Variants in DIS3L2 observed in about 807,000 individuals in gnomAD.
DIS3L2 encodes DIS3 like 3'-5' exoribonuclease 2.
DIS3L2 carries 34 observed loss-of-function variants against 97.5 expected under a neutral mutation model. The ratio of observed to expected loss-of-function variants is 0.35; its 90% CI spans 0.27 to 0.46. DIS3L2 has a LOEUF of 0.46. Among genes scored for constraint, DIS3L2 ranks in the 20% least tolerant of loss-of-function variants. The probability of loss-of-function intolerance (pLI) is 1.00; values close to 1 mark genes in which losing one functional copy is unlikely to be tolerated. For synonymous variants in DIS3L2, 435 were observed against 445.2 expected (o/e 0.98, Z 0.29); for missense variants, 1,038 against 1,146.0 (o/e 0.91, Z 1.36).
chr2:232,314,495 A>G (rs182972318), intron 14 of DIS3L2, among the ~76,000 whole-genome samples: 1 of 152,224 alleles, frequency 6.6e-6, no homozygotes, highest in Admixed American at 6.5e-5. Flanking sequence ...GCCCCTCACT[A>G]TTCTCACACT....
At chr2:231,969,378 T>A (rs959227515) in intron 1 of DIS3L2, among the ~76,000 whole-genome samples, 2 of 150,570 alleles carry the variant, frequency 1.3e-5, no homozygotes, top group African/African-American at 4.9e-5. Context: ...TGGCGCAATC[T>A]TGGCTCACTG....
intron 6 of DIS3L2, among the ~76,000 whole-genome samples, chr2:232,101,399 AT>A (rs10712116): frequency 0.84 from 127,408 of 151,998 alleles, 53,534 homozygotes; most frequent in East Asian, 0.96. Context: ...ACCTAGATGT[AT>A]TTTTTGTATA....
intron 9 of DIS3L2, among the ~76,000 whole-genome samples, chr2:232,172,272 TC>T (rs1222154871): frequency 1.3e-5 from 2 of 152,140 alleles, no homozygotes; most frequent in African/African-American, 4.8e-5. Flanking sequence ...ACCCCAAAAA[TC>T]AATTCCATTA....
intron 6 of DIS3L2, among the ~76,000 whole-genome samples, chr2:232,105,055 T>C (rs11692088): frequency 0.011 from 1,720 of 152,298 alleles, 17 homozygotes; most frequent in Non-Finnish European, 0.016. Flanking sequence ...TGAGATCAAG[T>C]GGTCCGCCTG....
chr2:232,336,925 G>C lies in DIS3L2; in HGVS notation c.*295G>C, dbSNP rs534180863. ...TACTGCCCTCCTCTGCCCAGGAAAT[G>C]GGGGGGTTTCAGCAACTCAGTGTCA... On this transcript the variant is annotated 3_prime_UTR_variant, in exon 21 of 21. Coordinates refer to ENST00000325385, the MANE Select transcript of DIS3L2 (RefSeq NM_152383.5). 80 of 1,226,054 alleles carry C rather than the reference G, an allele frequency of 6.5e-5. No individual in the cohort carries two copies. In the African/African-American group the frequency reaches 1.2e-3, roughly 19 times the overall value. 75.9% of individuals were successfully genotyped at this position (1,226,054 alleles called of 1,614,324 possible).
intron 1 of DIS3L2, among the ~76,000 whole-genome samples, chr2:232,004,579 CT>C (rs938966664): frequency 6.2e-4 from 89 of 143,250 alleles, no homozygotes; most frequent in Admixed American, 1.3e-3. Context: ...TTTTAAGTTT[CT>C]TTTTTTTTTT....
rs1216991352 is a variant in DIS3L2 at position 232,325,393 on chromosome 2, G to A, written c.1740-4420G>A. ...TGTCTCTACCAGTGTCACCCTTGCT[G>A]TGGGGAGTGTGTACCGTGTGCGGGG... On this transcript the variant is annotated intron_variant, in intron 14 of 20. Transcript: ENST00000325385. This position sits in a 1 kb window ranked among gnomAD's most constrained non-coding sequence, Gnocchi z 4.6. Among the ~76,000 whole-genome samples the A allele has an allele frequency of 6.6e-6, 1 of 152,222 alleles. No homozygotes were observed. Among genetic ancestry groups the A allele is most frequent in the Admixed American group, 6.5e-5 (1 of 15,286 alleles).
chr2:232,137,902 T>C lies in DIS3L2; in HGVS notation c.950+1183T>C, dbSNP rs1337532215. Among the ~76,000 whole-genome samples the C allele has an allele frequency of 6.6e-5, 10 of 152,182 alleles. 1 individual carries two copies. The highest frequency in any genetic ancestry group is 2.4e-4 in the African/African-American group (10 of 41,454). ...AACCCCTTGAGCCCTAAATAGTCCT[T>C]CTTACAAGCTTGCCCGTTTCTCACC... On this transcript the variant is annotated intron_variant, in intron 8 of 20. Transcript: ENST00000325385.
At chr2:231,990,972 CTT>C (rs779186763) in intron 1 of DIS3L2, among the ~76,000 whole-genome samples, 3 of 145,654 alleles carry the variant, frequency 2.1e-5, no homozygotes, top group Non-Finnish European at 3.0e-5. Context: ...TAAGAGTTTT[CTT>C]TTTTTTTTTT....
intron 9 of DIS3L2, among the ~76,000 whole-genome samples, chr2:232,173,459 T>A (rs1368008633): frequency 2.0e-5 from 3 of 152,152 alleles, no homozygotes; most frequent in Non-Finnish European, 1.5e-5. Context: ...CTCCAACTCC[T>A]GACCTCAAGT....
chr2:232,008,149 A>G (rs1466707898), intron 1 of DIS3L2, among the ~76,000 whole-genome samples: 1 of 151,098 alleles, frequency 6.6e-6, no homozygotes, highest in Non-Finnish European at 1.5e-5. Context: ...AGTAGCTGGG[A>G]CTACAGGTGT....
intron 16 of DIS3L2, among the ~76,000 whole-genome samples, chr2:232,331,124 G>C (rs1695724557): frequency 6.6e-6 from 1 of 152,354 alleles, no homozygotes; most frequent in African/African-American, 2.4e-5. Context: ...GGAACACTCC[G>C]CAGCCTCCAT....
intron 1 of DIS3L2, among the ~76,000 whole-genome samples, chr2:231,997,581 G>A (rs1029663880): frequency 2.6e-5 from 4 of 152,210 alleles, no homozygotes; most frequent in African/African-American, 9.6e-5. Context: ...ATTGTCAGTT[G>A]TTGGGAATAT....
chr2:232,297,913 G>C (rs1399815370), intron 13 of DIS3L2, among the ~76,000 whole-genome samples: 1 of 152,080 alleles, frequency 6.6e-6, no homozygotes, highest in Non-Finnish European at 1.5e-5. Context: ...ATGTTGCCCA[G>C]GCTGGTCTCC....
Position 231,987,116 on chromosome 2 carries a change from G to A in DIS3L2, c.-94+25351G>A, listed in dbSNP as rs1474493457. Among the ~76,000 whole-genome samples the A allele has an allele frequency of 2.0e-5, 3 of 152,184 alleles. No homozygotes were observed. In the East Asian group the frequency reaches 5.8e-4, roughly 29 times the overall value. On this transcript the variant is annotated intron_variant, in intron 1 of 20. Coordinates refer to ENST00000325385, the MANE Select transcript of DIS3L2 (RefSeq NM_152383.5). ...GGAAACCCTAAGTTGTCTGGGCTGT[G>A]TGTTTCAGGCCAGATAAGGATAGTT...
chr2:232,243,369 G>C (rs1693159827), intron 11 of DIS3L2, among the ~76,000 whole-genome samples: 1 of 152,132 alleles, frequency 6.6e-6, no homozygotes, highest in Non-Finnish European at 1.5e-5. Context: ...AAGGAGCTCA[G>C]ATTTTGAGGG....
chr2:232,255,290 G>C (rs191362283), intron 12 of DIS3L2, among the ~76,000 whole-genome samples: 8 of 152,208 alleles, frequency 5.3e-5, no homozygotes, highest in African/African-American at 9.6e-5. Context: ...TTCTCTTGGC[G>C]TAAAGGTTTG....
chr2:232,015,069 T>C, intron 2 of DIS3L2, 90 bp downstream of exon 2: 1 of 1,266,912 alleles, frequency 7.9e-7, no homozygotes, highest in Non-Finnish European at 1.1e-6. Flanking sequence ...CTTTTAGGAC[T>C]GAGGGCTACT....
rs76503287 is a variant in DIS3L2 at position 232,270,675 on chromosome 2, G to A, written c.1659+7235G>A. ...GGACAGTCTTAGAACTGTGATGACA[G>A]CATCAAGGATATGGATATATTTAAG... On this transcript the variant is annotated intron_variant, in intron 13 of 20. Transcript: ENST00000325385. Among the ~76,000 whole-genome samples, 82 of 152,306 alleles carry A rather than the reference G, an allele frequency of 5.4e-4. 4 individuals are homozygous for A. In the East Asian group the frequency reaches 0.014, roughly 26 times the overall value.
Sources: gnomAD v4.1 joint callset for allele counts (sites outside exome capture counted in the v4.1 genomes callset) on GRCh38, gnomAD v4.1.1 for gene constraint, Gnocchi (gnomAD v3.1) non-coding constraint, MANE v1.5 for transcripts, NCBI Gene and HGNC (gene_info 2026-07-23, HGNC 2026-07-21) for gene names.